Variants in GRID1 observed in about 807,000 individuals in gnomAD.
GRID1 encodes the protein glutamate ionotropic receptor delta type subunit 1, also known as glutamate receptor ionotropic, delta-1.
Under a neutral mutation model 98.0 loss-of-function variants are expected in GRID1, and 28 were observed. The observed-to-expected ratio is 0.29, with a 90% CI of 0.21 to 0.39. GRID1 has a LOEUF of 0.39. Among genes scored for constraint, GRID1 ranks in the 10% least tolerant of loss-of-function variants. The pLI is 1.00. For missense variants in GRID1, 1,111 were observed against 1,340.5 expected (o/e 0.83, Z 2.67); for synonymous variants, 553 against 538.5 (o/e 1.03, Z -0.37).
rs1332824364 is a variant in GRID1 at position 86,206,845 on chromosome 10, C to T, written c.236-197G>A. ...CTCACTGACATCCTTGGTGAAAATG[C>T]CAGCTATACATTCTTGTACCCATTT... On this transcript the variant is annotated intron_variant, in intron 2 of 15. Coordinates refer to ENST00000327946, the MANE Select transcript of GRID1 (RefSeq NM_017551.3). This position sits in a 1 kb window ranked among gnomAD's most constrained non-coding sequence, Gnocchi z 4.1. 6.6e-6 allele frequency among the ~76,000 whole-genome samples: 1 copy of T among 152,192 alleles called. No individual in the cohort carries two copies. The highest frequency in any genetic ancestry group is 1.5e-5 in the Non-Finnish European group (1 of 68,036).
intron 2 of GRID1, among the ~76,000 whole-genome samples, chr10:86,271,429 T>C (rs1466980946): frequency 6.6e-6 from 1 of 151,810 alleles, no homozygotes; most frequent in Non-Finnish European, 1.5e-5. Flanking sequence ...AGGAAAAAAA[T>C]TTACCCATGT....
In GRID1 at chr10:85,724,544, A is replaced by T. The variant is rs1841740416; in HGVS notation, c.1666T>A (p.Ser556Thr). The T allele has an allele frequency of 1.2e-6, 2 of 1,613,868 alleles. No individual in the cohort carries two copies. Among genetic ancestry groups the T allele is most frequent in the African/African-American group, 1.3e-5 (1 of 75,056 alleles). Residue 556 changes from serine (S) to threonine (T), a missense_variant, in exon 11 of 16, where the codon TCC (serine) becomes ACC (threonine). Ser to Thr is a moderately conservative substitution (Grantham distance 58). Around this residue, in one of 3 missense-constraint regions of GRID1, gnomAD observed 762 missense variants for 869.1 expected, o/e 0.88. Coordinates refer to ENST00000327946, the MANE Select transcript of GRID1 (RefSeq NM_017551.3). ...GCGAAATCAAATGGAGCAAAGAGGG[A>T]GAAGATGCTGATTTTCTCCTCGGGC... Reference protein sequence around the residue: ...KKPEEKISIFSLFAPFDFAVW... With the variant: ...KKPEEKISIFTLFAPFDFAVW...
At chr10:85,886,013 C>G (rs1841112845) in intron 5 of GRID1, among the ~76,000 whole-genome samples, 1 of 152,186 alleles carries the variant, frequency 6.6e-6, no homozygotes, top group East Asian at 1.9e-4. Context: ...GGGGCTCTCC[C>G]CTCCAGGATA....
chr10:86,304,742 G>C (rs985645233), intron 2 of GRID1, among the ~76,000 whole-genome samples: 1 of 152,214 alleles, frequency 6.6e-6, no homozygotes, highest in East Asian at 1.9e-4. Context: ...AAAAATGAAG[G>C]CTTCAAGAGG....
intron 5 of GRID1, among the ~76,000 whole-genome samples, chr10:85,874,819 A>G (rs890751202): frequency 6.6e-6 from 1 of 152,036 alleles, no homozygotes; most frequent in Non-Finnish European, 1.5e-5. Context: ...CTCTTTGAAT[A>G]TTGGCTATTT....
At chr10:85,808,355 G>A (rs1842641107) in intron 8 of GRID1, among the ~76,000 whole-genome samples, 1 of 152,176 alleles carries the variant, frequency 6.6e-6, no homozygotes, top group Admixed American at 6.5e-5. Flanking sequence ...AGTATGTTAA[G>A]AGAAAGGAAC....
chr10:86,069,591 T>C (rs543360491), intron 4 of GRID1, among the ~76,000 whole-genome samples: 3 of 152,154 alleles, frequency 2.0e-5, no homozygotes, highest in South Asian at 4.2e-4. Flanking sequence ...GAGCTGGCAG[T>C]GAGCCGAGAT....
intron 3 of GRID1, among the ~76,000 whole-genome samples, chr10:86,165,699 T>C (rs2131989509): frequency 6.6e-6 from 1 of 152,142 alleles, no homozygotes; most frequent in East Asian, 1.9e-4. Context: ...TCAAGGTGAG[T>C]GGCCATCCCT....
At chr10:86,243,692 G>A (rs11817097) in intron 2 of GRID1, among the ~76,000 whole-genome samples, 19,380 of 152,160 alleles carry the variant, frequency 0.13, 1,275 homozygotes, top group Middle Eastern at 0.23. Context: ...CCAGTATACA[G>A]ACGAGGAAAT....
chr10:85,900,208 G>C (rs1045546625), intron 5 of GRID1, among the ~76,000 whole-genome samples: 1 of 152,222 alleles, frequency 6.6e-6, no homozygotes, highest in Non-Finnish European at 1.5e-5. Flanking sequence ...CATGCTGTGT[G>C]AAGGCAGCAG....
intron 2 of GRID1, among the ~76,000 whole-genome samples, chr10:86,224,339 A>C (rs569401968): frequency 4.6e-4 from 70 of 152,240 alleles, no homozygotes; most frequent in Non-Finnish European, 7.8e-4. Context: ...CCCCCAGTAC[A>C]TTCTTGAAAG....
At position 86,238,594 on chromosome 10, in the gene GRID1, T is replaced by C. The variant is rs1474486601; in HGVS notation, c.236-31946A>G. Among the ~76,000 whole-genome samples the C allele has an allele frequency of 2.9e-5, 4 of 138,756 alleles. No individual in the cohort carries two copies. In the South Asian group the frequency reaches 9.1e-4, roughly 31 times the overall value. The allele number at this position is 138,756 out of a possible 152,430, so 91.0% of individuals were successfully genotyped here. The stretch of plus-strand genomic sequence containing the variant: ...CTGAGGCAGGAGAATCACTTGAACC[T>C]GGGAGGCAGAGGTTGCAGTGAGCCG... On this transcript the variant is annotated intron_variant, in intron 2 of 15. Transcript: ENST00000327946.
intron 2 of GRID1, among the ~76,000 whole-genome samples, chr10:86,274,067 T>A (rs1847229143): frequency 6.6e-6 from 1 of 152,214 alleles, no homozygotes; most frequent in Admixed American, 6.5e-5. Context: ...AAGTATTTAA[T>A]CCATCTTGAA....
Position 85,599,802 on chromosome 10 carries a change from A to AAAAAAAATAT in GRID1, c.*2470_*2471insATATTTTTTT. 1.5e-5 allele frequency: 1 copy of AAAAAAAATAT among 64,996 alleles called. No individual in the cohort carries two copies. Among genetic ancestry groups the AAAAAAAATAT allele is most frequent in the African/African-American group, 9.3e-5 (1 of 10,726 alleles). The allele number at this position is 64,996 out of a possible 1,614,324, so 4.0% of individuals were successfully genotyped here. On this transcript the variant is annotated 3_prime_UTR_variant, in exon 16 of 16. Coordinates refer to ENST00000327946, the MANE Select transcript of GRID1 (RefSeq NM_017551.3). Reference sequence around the variant, plus strand: ...GTAGAAAATTCTAAAAAAAAAAAAAAATATATATATATATATATAAACATG... The same window carrying AAAAAAAATAT: ...GTAGAAAATTCTAAAAAAAAAAAAAAAAAAAAATATATATATATATATATATATAAACATG...
At chr10:86,094,686 A>G (rs1844195296) in intron 4 of GRID1, among the ~76,000 whole-genome samples, 1 of 152,222 alleles carries the variant, frequency 6.6e-6, no homozygotes, top group East Asian at 1.9e-4. Context: ...GAAAGAAATC[A>G]CAGACGACAC....
At chr10:86,182,184 G>A (rs1393205934) in intron 3 of GRID1, among the ~76,000 whole-genome samples, 1 of 152,126 alleles carries the variant, frequency 6.6e-6, no homozygotes, top group Non-Finnish European at 1.5e-5. Context: ...AGAATTCCAG[G>A]GTCTGCGGGT....
chr10:85,870,047 C>G (rs1843262128), intron 5 of GRID1, among the ~76,000 whole-genome samples: 1 of 152,138 alleles, frequency 6.6e-6, no homozygotes, highest in Admixed American at 6.5e-5. Flanking sequence ...TTGAAGGATG[C>G]AAAGTATTGT....
intron 6 of GRID1, among the ~76,000 whole-genome samples, chr10:85,863,566 T>A (rs1390151874): frequency 6.6e-6 from 1 of 152,190 alleles, no homozygotes; most frequent in Non-Finnish European, 1.5e-5. Flanking sequence ...AGCCCAGGTG[T>A]TCTGGTCAGT....
At chr10:86,041,648 G>C (rs1423501369) in intron 4 of GRID1, among the ~76,000 whole-genome samples, 1 of 152,166 alleles carries the variant, frequency 6.6e-6, no homozygotes, top group African/African-American at 2.4e-5. Context: ...ACCCAGGACA[G>C]GTCCCCTGAC....
Sources: allele counts gnomAD v4.1 joint callset (sites outside exome capture counted in the v4.1 genomes callset), GRCh38; gene constraint gnomAD v4.1.1; regional missense constraint gnomAD v4.1.1; non-coding constraint Gnocchi (gnomAD v3.1); transcripts MANE v1.5; gene names NCBI Gene and HGNC (gene_info 2026-07-23, HGNC 2026-07-21).